The following SNAP47 variants were observed in gnomAD, a reference collection of about 807,000 sequenced individuals.
SNAP47 encodes the protein synaptosome associated protein 47.
In SNAP47, 20 loss-of-function variants were observed where a neutral mutation model predicts 31.4. The observed-to-expected ratio is 0.64, with a 90% confidence interval of 0.45 to 0.93. The LOEUF is 0.93. SNAP47 is among the 40% of genes least tolerant of loss of function. SNAP47 has a pLI of 0.00. For missense variants in SNAP47, 492 were observed against 528.5 expected (o/e 0.93, Z 0.68); for synonymous variants, 194 against 213.4 (o/e 0.91, Z 0.79).
At chr1:227,735,428 G>T (rs1401734289), upstream of SNAP47, 5 of 1,531,950 alleles carry the variant, frequency 3.3e-6, no homozygotes, top group Non-Finnish European at 4.4e-6. Context: ...GGCTCGCCGC[G>T]GTCTTCACTG....
At chr1:227,729,802 G>A (rs1337334913) in intron 1 of SNAP47, among the ~76,000 whole-genome samples, 1 of 152,182 alleles carries the variant, frequency 6.6e-6, no homozygotes, top group African/African-American at 2.4e-5. Flanking sequence ...CAAGCCCAGG[G>A]CAGGGCAGGC....
chr1:227,768,675 ACT>A (rs1663593347), intron 4 of SNAP47, among the ~76,000 whole-genome samples: 1 of 152,104 alleles, frequency 6.6e-6, no homozygotes, highest in Non-Finnish European at 1.5e-5. Context: ...TAGCCAGCTC[ACT>A]CTGCAGGTTC....
chr1:227,775,916 G>A lies in SNAP47; in HGVS notation c.1114-4611G>A, dbSNP rs1179495469. 3.8e-6 allele frequency: 5 copies of A among 1,302,212 alleles called. No individual in the cohort carries two copies. The East Asian group carries it at 2.8e-4, about 72-fold the overall frequency. 80.7% of individuals were successfully genotyped at this position (1,302,212 alleles called of 1,614,324 possible). Reference sequence around the variant, plus strand: ...AAGCGGAAGCTTTTCTTCCAGAACAGCCTTTGCTCAGGGCATGAGGGAGCC... The same window carrying A: ...AAGCGGAAGCTTTTCTTCCAGAACAACCTTTGCTCAGGGCATGAGGGAGCC... On this transcript the variant is annotated intron_variant, in intron 4 of 4. Coordinates refer to ENST00000617596, the MANE Select transcript of SNAP47 (RefSeq NM_053052.4).
At chr1:227,755,961 A>G (rs72632835) in intron 2 of SNAP47, among the ~76,000 whole-genome samples, 14,815 of 152,226 alleles carry the variant, frequency 0.097, 1,068 homozygotes, top group East Asian at 0.33. Flanking sequence ...AAATCTTTGA[A>G]TCTACCTGTA....
At chr1:227,734,013 C>T (rs34638814), upstream of SNAP47, 506 of 1,613,492 alleles carry the variant, frequency 3.1e-4, no homozygotes, top group African/African-American at 4.9e-3. Context: ...AGGGTGAAAA[C>T]GTCCTCCACC....
At chr1:227,748,857 C>T (rs1004105511) in intron 2 of SNAP47, among the ~76,000 whole-genome samples, 1 of 152,194 alleles carries the variant, frequency 6.6e-6, no homozygotes, top group African/African-American at 2.4e-5. Context: ...GTATGAAAAT[C>T]CTAGTGTATG....
chr1:227,758,787 G>C (rs889674555), intron 2 of SNAP47, among the ~76,000 whole-genome samples: 1 of 89,844 alleles, frequency 1.1e-5, no homozygotes. Flanking sequence ...GCATCTAGAT[G>C]AATGTTCTCA....
upstream of SNAP47, chr1:227,731,420 T>A (rs184188722): frequency 1.3e-3 from 193 of 152,318 alleles, 2 homozygotes; most frequent in African/African-American, 4.3e-3. Context: ...CCTCCCCTGC[T>A]GGGGTGAGGC....
intron 3 of SNAP47, 39 bp from the exon 4 acceptor site, chr1:227,766,920 C>G (rs372397148): frequency 6.2e-7 from 1 of 1,610,238 alleles, no homozygotes; most frequent in Non-Finnish European, 8.5e-7. Context: ...TGTTGCAACT[C>G]CGAGAGATGT....
chr1:227,728,283 G>T (rs1015964461), upstream of SNAP47, among the ~76,000 whole-genome samples: 1 of 152,202 alleles, frequency 6.6e-6, no homozygotes. Context: ...CGGAACACAA[G>T]GGTAGGGAAG....
intron 2 of SNAP47, among the ~76,000 whole-genome samples, chr1:227,757,472 C>T (rs992458632): frequency 2.0e-5 from 3 of 152,214 alleles, no homozygotes; most frequent in South Asian, 2.1e-4. Flanking sequence ...AAATCCCAAA[C>T]GCCAGTCAGC....
chr1:227,773,954 A>T (rs1433333859), intron 4 of SNAP47, among the ~76,000 whole-genome samples: 1 of 152,240 alleles, frequency 6.6e-6, no homozygotes, highest in East Asian at 1.9e-4. Context: ...ATAATTTACT[A>T]ATTTCCCTTC....
chr1:227,754,648 G>A (rs1343849495), intron 2 of SNAP47, among the ~76,000 whole-genome samples: 1 of 152,186 alleles, frequency 6.6e-6, no homozygotes, highest in African/African-American at 2.4e-5. Flanking sequence ...GTGCACCCAT[G>A]TCATTGTGTG....
intron 4 of SNAP47, among the ~76,000 whole-genome samples, chr1:227,773,620 C>T (rs1384458399): frequency 6.6e-6 from 1 of 151,254 alleles, no homozygotes; most frequent in African/African-American, 2.4e-5. Flanking sequence ...TCACGGGAAG[C>T]GCTCTACACT....
At chr1:227,745,677 G>T (rs1411382140) in intron 1 of SNAP47, 1 of 152,204 alleles carries the variant, frequency 6.6e-6, no homozygotes, top group African/African-American at 2.4e-5. Flanking sequence ...CCAGGTGGAT[G>T]CTACACACAT....
At chr1:227,774,643 C>T (rs1205739896) in intron 4 of SNAP47, among the ~76,000 whole-genome samples, 2 of 152,078 alleles carry the variant, frequency 1.3e-5, no homozygotes, top group Admixed American at 1.3e-4. Context: ...ACTCATTGGC[C>T]ACAGCTCTGG....
At chr1:227,738,993 C>T (rs893857892) in intron 1 of SNAP47, among the ~76,000 whole-genome samples, 6 of 152,104 alleles carry the variant, frequency 3.9e-5, no homozygotes, top group African/African-American at 4.8e-5. Flanking sequence ...GGTGCCCCCT[C>T]GGGTCAGTGT....
At chr1:227,735,340 C>T (rs1661033187), upstream of SNAP47, 6 of 1,597,936 alleles carry the variant, frequency 3.8e-6, no homozygotes, top group South Asian at 2.2e-5. Flanking sequence ...TGAGGACCAG[C>T]CTCGGAACCA....
At chr1:227,764,134 TTTTG>T (rs1022884815) in intron 3 of SNAP47, among the ~76,000 whole-genome samples, 3 of 152,198 alleles carry the variant, frequency 2.0e-5, no homozygotes, top group African/African-American at 4.8e-5. Flanking sequence ...CCTGTGATGC[TTTTG>T]TTTAATTGCA....
Sources: gnomAD v4.1 joint callset for allele counts (sites outside exome capture counted in the v4.1 genomes callset) on GRCh38, gnomAD v4.1.1 for gene constraint, MANE v1.5 for transcripts, NCBI Gene and HGNC (gene_info 2026-07-23, HGNC 2026-07-21) for gene names.